CNTNAP2: variants seen among roughly 807,000 people sequenced by gnomAD.
CNTNAP2 encodes contactin associated protein 2.
Under a neutral mutation model 155.2 loss-of-function variants are expected in CNTNAP2, and 98 were observed. That is an observed-to-expected ratio of 0.63 (90% confidence interval 0.54 to 0.75). CNTNAP2 has a LOEUF of 0.75. CNTNAP2 is among the 30% of genes least tolerant of loss of function. The probability of loss-of-function intolerance (pLI) is 0.00; values close to 1 mark genes in which losing one functional copy is unlikely to be tolerated. For synonymous variants in CNTNAP2, 651 were observed against 631.2 expected (o/e 1.03, Z -0.47); for missense variants, 1,727 against 1,688.1 (o/e 1.02, Z -0.40).
At chr7:146,486,268 G>A (rs893889388) in intron 1 of CNTNAP2, among the ~76,000 whole-genome samples, 1 of 151,640 alleles carries the variant, frequency 6.6e-6, no homozygotes, top group African/African-American at 2.4e-5. Flanking sequence ...GTTTCACCGT[G>A]TTAGCCAGGA....
chr7:147,116,046 G>A (rs1011325144), intron 5 of CNTNAP2, among the ~76,000 whole-genome samples: 5 of 152,098 alleles, frequency 3.3e-5, no homozygotes, highest in African/African-American at 7.2e-5. Flanking sequence ...TAATAGCCCT[G>A]TAGAAGTCTG....
chr7:146,514,903 T>C (rs1797518300), intron 1 of CNTNAP2, among the ~76,000 whole-genome samples: 4 of 152,122 alleles, frequency 2.6e-5, no homozygotes, highest in Non-Finnish European at 5.9e-5. Flanking sequence ...CTCTTAACTT[T>C]AGATTGTGGC....
chr7:147,003,565 C>A (rs1798468477), intron 3 of CNTNAP2, among the ~76,000 whole-genome samples: 1 of 151,512 alleles, frequency 6.6e-6, no homozygotes, highest in African/African-American at 2.4e-5. Context: ...TAAAATCAGT[C>A]AATAGAAAAT....
At chr7:148,302,720 C>T (rs73171923) in intron 21 of CNTNAP2, among the ~76,000 whole-genome samples, 30,244 of 151,884 alleles carry the variant, frequency 0.2, 3,539 homozygotes, top group Middle Eastern at 0.32. Flanking sequence ...TCCCCTTCCC[C>T]ATGATTGTAA....
chr7:147,085,872 A>G (rs564134745), intron 4 of CNTNAP2: 16 of 152,334 alleles, frequency 1.1e-4, no homozygotes, highest in Middle Eastern at 3.4e-3. Context: ...TGCATCTGCA[A>G]CCCAAATGTC....
chr7:146,341,625 A>G (rs1794730830), intron 1 of CNTNAP2, among the ~76,000 whole-genome samples: 1 of 152,180 alleles, frequency 6.6e-6, no homozygotes, highest in African/African-American at 2.4e-5. Flanking sequence ...ACAGGATTTT[A>G]ATTATTTTAA....
intron 10 of CNTNAP2, among the ~76,000 whole-genome samples, chr7:147,476,999 A>G (rs556144625): frequency 7.9e-5 from 12 of 151,962 alleles, no homozygotes; most frequent in African/African-American, 2.4e-4. Context: ...CGTGAAGCAG[A>G]TAACTCAAAC....
chr7:146,927,790 T>C (rs1348862448), intron 3 of CNTNAP2, among the ~76,000 whole-genome samples: 1 of 151,928 alleles, frequency 6.6e-6, no homozygotes, highest in Non-Finnish European at 1.5e-5. Context: ...TGTGTGTGTA[T>C]GTATACATGT....
At chr7:147,589,248 A>G (rs1284880158) in intron 12 of CNTNAP2, among the ~76,000 whole-genome samples, 1 of 152,224 alleles carries the variant, frequency 6.6e-6, no homozygotes, top group Non-Finnish European at 1.5e-5. Flanking sequence ...AAGTTTTAAG[A>G]CTAGAACTCA....
intron 1 of CNTNAP2, among the ~76,000 whole-genome samples, chr7:146,241,507 A>G (rs891115324): frequency 7.9e-5 from 12 of 152,230 alleles, no homozygotes; most frequent in Non-Finnish European, 2.9e-5. Context: ...CCATCAAATT[A>G]TCTTGAAAAT....
intron 3 of CNTNAP2, among the ~76,000 whole-genome samples, chr7:146,918,361 T>G (rs936641117): frequency 6.6e-6 from 1 of 152,332 alleles, no homozygotes; most frequent in South Asian, 2.1e-4. Context: ...TTAGCAGTTC[T>G]TATAGTGCTG....
chr7:147,641,181 AC>A, intron 13 of CNTNAP2, among the ~76,000 whole-genome samples: 1 of 152,114 alleles, frequency 6.6e-6, no homozygotes, highest in South Asian at 2.1e-4. Flanking sequence ...GCTTTAAAAG[AC>A]CCCTTTTCCC....
chr7:146,465,042 T>G (rs1419659802), intron 1 of CNTNAP2, among the ~76,000 whole-genome samples: 4 of 152,024 alleles, frequency 2.6e-5, no homozygotes, highest in Non-Finnish European at 4.4e-5. Flanking sequence ...TTCAGTTAGA[T>G]TGGAGCTTTT....
At chr7:147,503,748 C>G (rs1336889630) in intron 11 of CNTNAP2, among the ~76,000 whole-genome samples, 1 of 151,886 alleles carries the variant, frequency 6.6e-6, no homozygotes, top group African/African-American at 2.4e-5. Context: ...TTTATACACT[C>G]AGTTAATTTT....
intron 1 of CNTNAP2, among the ~76,000 whole-genome samples, chr7:146,307,033 G>A (rs1800725570): frequency 6.6e-6 from 1 of 152,156 alleles, no homozygotes; most frequent in African/African-American, 2.4e-5. Context: ...AAAAGAGGAA[G>A]TCAAATTGTC....
intron 2 of CNTNAP2, among the ~76,000 whole-genome samples, chr7:146,789,841 A>G (rs1802639346): frequency 6.6e-6 from 1 of 151,176 alleles, no homozygotes; most frequent in South Asian, 2.1e-4. Context: ...AGTGAAAGAA[A>G]ATGAATAACA....
intron 4 of CNTNAP2, among the ~76,000 whole-genome samples, chr7:147,071,887 C>A (rs1173212048): frequency 5.3e-5 from 8 of 152,304 alleles, no homozygotes; most frequent in Non-Finnish European, 4.4e-5. Context: ...GATTCAGTAA[C>A]AATGACTAAG....
chr7:147,325,816 C>G (rs538446269), intron 9 of CNTNAP2, among the ~76,000 whole-genome samples: 3 of 152,332 alleles, frequency 2.0e-5, no homozygotes, highest in East Asian at 1.9e-4. Context: ...ACCATCATCA[C>G]TATTGGTGTC....
intron 1 of CNTNAP2, among the ~76,000 whole-genome samples, chr7:146,606,565 A>G (rs899023102): frequency 6.6e-6 from 1 of 152,182 alleles, no homozygotes; most frequent in Non-Finnish European, 1.5e-5. Flanking sequence ...AGTCTATAAC[A>G]TTCATTTTTA....
Sources: allele counts gnomAD v4.1 joint callset (sites outside exome capture counted in the v4.1 genomes callset), GRCh38; gene constraint gnomAD v4.1.1; transcripts MANE v1.5; gene names NCBI Gene and HGNC (gene_info 2026-07-23, HGNC 2026-07-21).